The following CMPK1 variants were observed in gnomAD, a reference collection of about 807,000 sequenced individuals.
CMPK1 encodes the protein cytidine/uridine monophosphate kinase 1.
A neutral mutation model predicts 25.7 loss-of-function variants in CMPK1; 10 were observed. The observed-to-expected ratio is 0.39, with a 90% CI of 0.24 to 0.66. CMPK1 has a LOEUF of 0.66. Among genes scored for constraint, CMPK1 ranks in the 30% least tolerant of loss-of-function variants. CMPK1 has a pLI of 0.48. For missense variants in CMPK1, 199 were observed against 280.5 expected, an observed-to-expected ratio of 0.71 and a Z score of 2.08; for synonymous variants, 106 against 101.5, an observed-to-expected ratio of 1.04 and a Z score of -0.27.
Position 47,339,404 on chromosome 1 carries a change from GA to G in CMPK1, c.171+5293del, listed in dbSNP as rs1231827927. Among the ~76,000 whole-genome samples the G allele has an allele frequency of 1.9e-3, 285 of 152,206 alleles. 5 individuals carry two copies. Among genetic ancestry groups the G allele is most frequent in the East Asian group, 1.2e-3 (6 of 5,192 alleles). ...CTGGCCATCCTACTTACTGCACTTA[GA>G]AAAAGTTTTGGATGATAATTGACTT... On this transcript the variant is annotated intron_variant, in intron 1 of 5. Coordinates refer to ENST00000371873, the MANE Select transcript of CMPK1 (RefSeq NM_016308.3).
In CMPK1 at chr1:47,375,413, G is replaced by A. The variant is rs1646701403; in HGVS notation, c.645+120G>A. 4 of 660,812 alleles carry A rather than the reference G, an allele frequency of 6.1e-6. No homozygotes were observed. The East Asian group carries it at 8.8e-5, about 15-fold the overall frequency. 40.9% of individuals were successfully genotyped at this position (660,812 alleles called of 1,614,324 possible). ...GATTAGTTAGTTTTTCAAGACACTG[G>A]AAGCCAGTCATGGTGGCTCATGCTT... On this transcript the variant is annotated intron_variant, in intron 5 of 5. Coordinates refer to ENST00000371873, the MANE Select transcript of CMPK1 (RefSeq NM_016308.3).
chr1:47,368,686 G>A, intron 2 of CMPK1, 71 bp downstream of exon 2: 2 of 1,350,586 alleles, frequency 1.5e-6, no homozygotes, highest in Non-Finnish European at 2.0e-6. Flanking sequence ...TTTTGGCCAG[G>A]CAGTTGCTCA....
chr1:47,375,062 T>C (rs1446052174), intron 4 of CMPK1, 77 bp downstream of exon 4: 2 of 1,352,344 alleles, frequency 1.5e-6, no homozygotes, highest in Admixed American at 3.4e-5. Context: ...AGAGTCACAT[T>C]TAAACATGTA....
intron 1 of CMPK1, among the ~76,000 whole-genome samples, chr1:47,340,711 C>T (rs1332084912): frequency 6.6e-6 from 1 of 152,072 alleles, no homozygotes; most frequent in Non-Finnish European, 1.5e-5. Flanking sequence ...GATCTTGGCT[C>T]ACCACAACCT....
At chr1:47,359,742 C>A (rs571033647) in intron 1 of CMPK1, among the ~76,000 whole-genome samples, 3 of 151,966 alleles carry the variant, frequency 2.0e-5, no homozygotes, top group Non-Finnish European at 4.4e-5. Context: ...GAACTCCTGA[C>A]CTCAAGTGTT....
intron 1 of CMPK1, among the ~76,000 whole-genome samples, chr1:47,335,315 C>T (rs1646388558): frequency 6.6e-6 from 1 of 152,116 alleles, no homozygotes; most frequent in South Asian, 2.1e-4. Context: ...TTCAACAAGT[C>T]ATTATGTGTT....
intron 1 of CMPK1, among the ~76,000 whole-genome samples, chr1:47,336,179 G>A (rs1646397829): frequency 6.8e-6 from 1 of 146,474 alleles, no homozygotes; most frequent in Non-Finnish European, 1.5e-5. Context: ...TGAAAAGTGG[G>A]AGTGATTTCA....
chr1:47,370,054 A>G (rs1272307806), intron 2 of CMPK1, among the ~76,000 whole-genome samples: 1 of 151,612 alleles, frequency 6.6e-6, no homozygotes, highest in Non-Finnish European at 1.5e-5. Flanking sequence ...AGCTGGGAGT[A>G]CAGGCGCCCG....
At chr1:47,346,911 A>G (rs543492294) in intron 1 of CMPK1, among the ~76,000 whole-genome samples, 2 of 145,368 alleles carry the variant, frequency 1.4e-5, no homozygotes, top group Admixed American at 1.4e-4. Flanking sequence ...AGCCTCCCAA[A>G]TAACTGGGAT....
intron 1 of CMPK1, among the ~76,000 whole-genome samples, chr1:47,336,115 C>T (rs950934793): frequency 2.0e-5 from 3 of 149,212 alleles, no homozygotes; most frequent in African/African-American, 7.5e-5. Flanking sequence ...CCAGCCTGGG[C>T]GACAGAGCGA....
intron 1 of CMPK1, among the ~76,000 whole-genome samples, chr1:47,334,773 C>G (rs1570344087): frequency 6.6e-6 from 1 of 152,214 alleles, no homozygotes; most frequent in Admixed American, 6.5e-5. Flanking sequence ...GTTCTGAGAT[C>G]AAGCTTCAAC....
In CMPK1 at chr1:47,374,507, AAT is replaced by A. The variant is rs1646695529; in HGVS notation, c.472-399_472-398del. 3.3e-5 allele frequency among the ~76,000 whole-genome samples: 5 copies of A among 152,394 alleles called. No individual in the cohort carries two copies. In the South Asian group the frequency reaches 6.2e-4, roughly 19 times the overall value. On this transcript the variant is annotated intron_variant, in intron 3 of 5. Coordinates refer to ENST00000371873, the MANE Select transcript of CMPK1 (RefSeq NM_016308.3). ...ACAAAGGATGCTTTATTCAAATGCA[AAT>A]ATGTTGACTCAAATATTTTCAAATT...
intron 1 of CMPK1, among the ~76,000 whole-genome samples, chr1:47,360,785 G>C (rs541048060): frequency 6.6e-6 from 1 of 152,144 alleles, no homozygotes; most frequent in Non-Finnish European, 1.5e-5. Flanking sequence ...TTAAGGTTTT[G>C]TTACATGAAT....
At chr1:47,357,641 T>C (rs1417771130) in intron 1 of CMPK1, among the ~76,000 whole-genome samples, 2 of 152,034 alleles carry the variant, frequency 1.3e-5, no homozygotes, top group African/African-American at 2.4e-5. Context: ...CCCGCCGTCA[T>C]GCGTGGCTGA....
At chr1:47,336,554 T>C (rs1646400807) in intron 1 of CMPK1, among the ~76,000 whole-genome samples, 1 of 152,104 alleles carries the variant, frequency 6.6e-6, no homozygotes, top group East Asian at 1.9e-4. Flanking sequence ...ATCGAGTCTC[T>C]CTGTGTCACC....
At chr1:47,339,467 C>T (rs1646423149) in intron 1 of CMPK1, among the ~76,000 whole-genome samples, 1 of 152,090 alleles carries the variant, frequency 6.6e-6, no homozygotes, top group African/African-American at 2.4e-5. Context: ...TTTCATTTAT[C>T]TTTGTGTCCC....
At chr1:47,351,908 G>A (rs971946527) in intron 1 of CMPK1, among the ~76,000 whole-genome samples, 3 of 152,056 alleles carry the variant, frequency 2.0e-5, no homozygotes, top group Non-Finnish European at 4.4e-5. Context: ...GGCTAAGGCA[G>A]GTGGATCATT....
At chr1:47,366,515 A>G (rs137871819) in intron 1 of CMPK1, among the ~76,000 whole-genome samples, 1 of 152,164 alleles carries the variant, frequency 6.6e-6, no homozygotes, top group Non-Finnish European at 1.5e-5. Context: ...TGTTGCTGCA[A>G]CTGTGGTAAG....
At chr1:47,335,771 T>C (rs1243730621) in intron 1 of CMPK1, among the ~76,000 whole-genome samples, 2 of 152,148 alleles carry the variant, frequency 1.3e-5, no homozygotes, top group Non-Finnish European at 2.9e-5. Context: ...TTTTTTGTTT[T>C]TGTTTTTGTT....
Sources: gnomAD v4.1 joint callset for allele counts (sites outside exome capture counted in the v4.1 genomes callset) on GRCh38, gnomAD v4.1.1 for gene constraint, MANE v1.5 for transcripts, NCBI Gene and HGNC (gene_info 2026-07-23, HGNC 2026-07-21) for gene names.